Variants in DOCK5 observed in about 807,000 individuals in gnomAD.
DOCK5 encodes dedicator of cytokinesis 5.
DOCK5 carries 142 observed loss-of-function variants against 251.8 expected under a neutral mutation model. That is an observed-to-expected ratio of 0.56 (90% CI 0.49 to 0.65). The LOEUF (loss-of-function observed/expected upper bound fraction) is 0.65, where lower values mean the gene tolerates loss of function less well. Among genes scored for constraint, DOCK5 ranks in the 30% least tolerant of loss-of-function variants. The pLI is 0.00. For missense variants in DOCK5, 2,111 were observed against 2,312.3 expected, an observed-to-expected ratio of 0.91 and a Z score of 1.79; for synonymous variants, 842 against 835.5, an observed-to-expected ratio of 1.01 and a Z score of -0.13.
chr8:25,345,554 C>A lies in DOCK5; in HGVS notation c.2697C>A (p.His899Gln), dbSNP rs772960086. Residue 899 changes from histidine to glutamine, a missense_variant, in exon 26 of 52, where the codon CAC (histidine) becomes CAA (glutamine). Physicochemically the swap from His to Gln is conservative, Grantham distance 24. Coordinates refer to ENST00000276440, the MANE Select transcript of DOCK5 (RefSeq NM_024940.8). ...QLDDNSNKPDHEASSQLLSNI... is the reference protein window; with the variant it reads ...QLDDNSNKPDQEASSQLLSNI... ...ATGACAACTCCAACAAGCCTGACCA[C>A]GAGGCAAGCTCGCAGCTTCTGAGCA... The A allele has an allele frequency of 1.1e-5, 18 of 1,613,916 alleles. No homozygotes were observed. In the South Asian group the frequency reaches 2.0e-4, roughly 18 times the overall value.
Position 25,317,024 on chromosome 8 carries a change from A to C in DOCK5, c.1336A>C (p.Ile446Leu), listed in dbSNP as rs1465132175. 6.2e-7 allele frequency: 1 copy of C among 1,613,954 alleles called. No individual in the cohort carries two copies. Among genetic ancestry groups the C allele is most frequent in the South Asian group, 1.1e-5 (1 of 91,086 alleles). Residue 446 changes from isoleucine (I) to leucine (L), a missense_variant, in exon 14 of 52, where the codon ATT becomes CTT. Around this residue, in one of 3 missense-constraint regions of DOCK5, gnomAD observed 1,717 missense variants for 1,892.4 expected, o/e 0.91. Coordinates refer to ENST00000276440, the MANE Select transcript of DOCK5 (RefSeq NM_024940.8). The stretch of plus-strand genomic sequence containing the variant: ...TGTTGCAGGAGATGTTCGGAATGAC[A>C]TTTATGTCACCCTGATCCACGGTGA... ...IILPGDVRND[I>L]YVTLIHGEFD...
Position 25,392,815 on chromosome 8 carries a change from C to A in DOCK5, c.4460C>A (p.Thr1487Asn), listed in dbSNP as rs1586390608. Reference protein sequence around the residue: ...NEFATMWIERTTYTTAYTFPG... With the variant: ...NEFATMWIERNTYTTAYTFPG... ...CACCAGACGATGTGGATTGAACGGA[C>A]CACGTATACGACTGCATATACCTTT... is the stretch of plus-strand genomic sequence containing the variant. Residue 1487 changes from threonine to asparagine, a missense_variant, in exon 44 of 52, where the codon ACC (threonine) becomes AAC (asparagine). Coordinates refer to ENST00000276440, the MANE Select transcript of DOCK5 (RefSeq NM_024940.8). 1 of 1,613,082 alleles carries A rather than the reference C, an allele frequency of 6.2e-7. No individual in the cohort carries two copies. Among genetic ancestry groups the A allele is most frequent in the African/African-American group, 1.3e-5 (1 of 75,038 alleles).
chr8:25,375,857 G>A (rs1800953706), intron 37 of DOCK5: 5 of 966,252 alleles, frequency 5.2e-6, no homozygotes, highest in Admixed American at 6.2e-5. Context: ...CAGCTCTTTG[G>A]GAAGCTGAGG....
At chr8:25,361,090 C>T (rs948449500) in intron 28 of DOCK5, among the ~76,000 whole-genome samples, 2 of 152,090 alleles carry the variant, frequency 1.3e-5, no homozygotes, top group Admixed American at 6.5e-5. Context: ...CTGAGTGAAC[C>T]GCATGAAGGC....
intron 32 of DOCK5, 95 bp downstream of exon 32, chr8:25,368,345 G>T: frequency 8.0e-7 from 1 of 1,254,784 alleles, no homozygotes; most frequent in Non-Finnish European, 1.1e-6. Context: ...AGATAACCCT[G>T]AGATGTATTT....
chr8:25,328,477 A>G (rs1251607687), intron 18 of DOCK5, among the ~76,000 whole-genome samples: 1 of 152,192 alleles, frequency 6.6e-6, no homozygotes, highest in Non-Finnish European at 1.5e-5. Context: ...ACTTGATGGA[A>G]ATTATAAAGA....
At position 25,216,189 on chromosome 8, in the gene DOCK5, A is replaced by C. The variant is rs532374085; in HGVS notation, c.44-27485A>C. On this transcript the variant is annotated intron_variant, in intron 1 of 51. Transcript: ENST00000276440. ...TATACAATATGTGCATACAATATGTATATATGTATACAATATGTGCATACA... is the reference window on the plus strand; with the variant it reads ...TATACAATATGTGCATACAATATGTCTATATGTATACAATATGTGCATACA... Among the ~76,000 whole-genome samples the C allele has an allele frequency of 3.0e-3, 426 of 140,926 alleles. 27 individuals are homozygous for C. The highest frequency in any genetic ancestry group is 0.01 in the South Asian group (46 of 4,430). The allele number at this position is 140,926 out of a possible 152,430, so 92.5% of individuals were successfully genotyped here. A position where few individuals can be genotyped will look rare whatever the true frequency, so the allele number is the denominator to read the frequency against.
At chr8:25,366,837 T>C in intron 30 of DOCK5, 33 bp from the exon 31 acceptor site, 1 of 1,561,878 alleles carries the variant, frequency 6.4e-7, no homozygotes, top group South Asian at 1.1e-5. Context: ...TTATTTTTCA[T>C]TTCCCTTTAC....
At chr8:25,300,358 C>T (rs906871719) in intron 8 of DOCK5, among the ~76,000 whole-genome samples, 40 of 152,286 alleles carry the variant, frequency 2.6e-4, no homozygotes, top group African/African-American at 7.7e-4. Context: ...GCATGTCTTG[C>T]GGAGCCACAG....
In DOCK5 at chr8:25,340,902, G is replaced by A. The variant is rs766221613; in HGVS notation, c.2353G>A (p.Asp785Asn). 3 of 1,613,654 alleles carry A rather than the reference G, an allele frequency of 1.9e-6. No homozygotes were observed. Among genetic ancestry groups the A allele is most frequent in the Admixed American group, 3.3e-5 (2 of 59,982 alleles). The part of the protein sequence containing the change: ...LRFYGQSKDG[D>N]EFNNSIRQLF... The stretch of plus-strand genomic sequence containing the variant: ...ATTTTATGGGCAGAGCAAAGATGGA[G>A]ATGAGTTTAATAATTCAATTCGCCA... The change falls in exon 23 of 52, where the codon GAT becomes AAT. Residue 785 changes from aspartate (D) to asparagine (N), a missense_variant. Asp to Asn is a conservative substitution (Grantham distance 23, BLOSUM62 1). Coordinates refer to ENST00000276440, the MANE Select transcript of DOCK5 (RefSeq NM_024940.8).
chr8:25,194,246 A>T (rs985218668), intron 1 of DOCK5, among the ~76,000 whole-genome samples: 3 of 152,074 alleles, frequency 2.0e-5, no homozygotes, highest in Non-Finnish European at 4.4e-5. Flanking sequence ...GTGAGCCAAG[A>T]TCACGCCACT....
At chr8:25,398,226 A>G (rs2117330921) in intron 45 of DOCK5, among the ~76,000 whole-genome samples, 1 of 152,222 alleles carries the variant, frequency 6.6e-6, no homozygotes, top group East Asian at 1.9e-4. Context: ...TTTACCAAAA[A>G]CAAAATTGTT....
At chr8:25,357,037 C>T (rs1019821990) in intron 27 of DOCK5, among the ~76,000 whole-genome samples, 1 of 150,304 alleles carries the variant, frequency 6.7e-6, no homozygotes, top group Non-Finnish European at 1.5e-5. Context: ...CTATTATAAG[C>T]CACTAAGCAA....
intron 1 of DOCK5, among the ~76,000 whole-genome samples, chr8:25,237,379 A>C (rs1802830423): frequency 2.0e-5 from 3 of 152,162 alleles, no homozygotes; most frequent in Non-Finnish European, 2.9e-5. Context: ...CAAAAAAATA[A>C]AAAATAAACA....
chr8:25,342,588 C>A, intron 25 of DOCK5, 81 bp downstream of exon 25: 4 of 1,014,084 alleles, frequency 3.9e-6, no homozygotes, highest in Non-Finnish European at 5.7e-6. Context: ...GGTGACAGAA[C>A]AAGACTCCAT....
At position 25,372,548 on chromosome 8, in the gene DOCK5, C is replaced by A. The variant is rs373967497; in HGVS notation, c.3525-11C>A. On this transcript the variant is annotated splice_polypyrimidine_tract_variant and intron_variant, in intron 34 of 51. Transcript: ENST00000276440. ...GAACCTGGGCTTTTGTCTCTCCCTC[C>A]GCCCCTCCAGGCTCCTAGAACATTG... 1 of 1,562,466 alleles carries A rather than the reference C, an allele frequency of 6.4e-7. No homozygotes were observed. Among genetic ancestry groups the A allele is most frequent in the Non-Finnish European group, 8.6e-7 (1 of 1,159,664 alleles).
intron 1 of DOCK5, among the ~76,000 whole-genome samples, chr8:25,228,077 C>T (rs747348516): frequency 4.6e-5 from 7 of 152,038 alleles, no homozygotes; most frequent in Non-Finnish European, 1.0e-4. Flanking sequence ...GAGTTTTGCC[C>T]TGTTGCTCAG....
At chr8:25,250,034 G>A (rs191080200) in intron 2 of DOCK5, among the ~76,000 whole-genome samples, 3 of 152,210 alleles carry the variant, frequency 2.0e-5, no homozygotes, top group African/African-American at 4.8e-5. Context: ...AAACATTTGC[G>A]TGCAAGTTTT....
rs368128814 is a variant in DOCK5 at position 25,299,117 on chromosome 8, A to T, written c.764+16A>T. 1.9e-6 allele frequency: 3 copies of T among 1,611,416 alleles called. No homozygotes were observed. Among genetic ancestry groups the T allele is most frequent in the African/African-American group, 2.7e-5 (2 of 74,830 alleles). On this transcript the variant is annotated intron_variant, in intron 8 of 51. Transcript: ENST00000276440. ...CTTTTATCAGGTAGCAGAGACCCAC[A>T]TCCCCTGCTGCTGACCTAACAAAGA... is the stretch of plus-strand genomic sequence containing the variant.
Sources: gnomAD v4.1 joint callset for allele counts (sites outside exome capture counted in the v4.1 genomes callset) on GRCh38, gnomAD v4.1.1 for gene constraint, gnomAD v4.1.1 regional missense constraint, MANE v1.5 for transcripts, NCBI Gene and HGNC (gene_info 2026-07-23, HGNC 2026-07-21) for gene names.